PARVB: variants seen among roughly 807,000 people sequenced by gnomAD.
The protein encoded by PARVB is parvin beta.
A neutral mutation model predicts 47.0 loss-of-function variants in PARVB; 46 were observed. The observed-to-expected ratio is 0.98, with a 90% CI of 0.77 to 1.25. PARVB has a LOEUF of 1.25. PARVB is among the 50% of genes most tolerant of loss of function. The pLI is 0.00. For missense variants in PARVB, 473 were observed against 471.6 expected (o/e 1.00, Z -0.03); for synonymous variants, 196 against 196.3 (o/e 1.00, Z 0.01).
intron 1 of PARVB, among the ~76,000 whole-genome samples, chr22:44,087,708 TA>T (rs72494364): frequency 0.11 from 15,791 of 145,862 alleles, 1,071 homozygotes; most frequent in African/African-American, 0.19. Context: ...AGAAGAAGAT[TA>T]AAAAAAAAAA....
intron 1 of PARVB, among the ~76,000 whole-genome samples, chr22:44,069,714 A>T (rs998206500): frequency 1.3e-5 from 2 of 151,856 alleles, no homozygotes; most frequent in Admixed American, 6.6e-5. Context: ...TTTTTAGTAG[A>T]GACGGGGTTT....
At chr22:44,023,292 C>G (rs955716311), upstream of PARVB, among the ~76,000 whole-genome samples, 1 of 151,798 alleles carries the variant, frequency 6.6e-6, no homozygotes, top group African/African-American at 2.4e-5. Flanking sequence ...AGGCGGATCA[C>G]CTGAGGTCAG....
At chr22:44,038,530 C>T (rs2050961517) in intron 1 of PARVB, among the ~76,000 whole-genome samples, 1 of 152,094 alleles carries the variant, frequency 6.6e-6, no homozygotes. Context: ...CCTGTAATCC[C>T]AGCACTTTGG....
At chr22:44,134,678 CTGAGCTT>C (rs1024690376) in intron 6 of PARVB, among the ~76,000 whole-genome samples, 6 of 152,160 alleles carry the variant, frequency 3.9e-5, no homozygotes, top group African/African-American at 1.4e-4. Flanking sequence ...CCCCTGGCCT[CTGAGCTT>C]GCTCAGGGGA....
chr22:44,127,036 A>T (rs2053200749), intron 4 of PARVB, among the ~76,000 whole-genome samples: 1 of 152,186 alleles, frequency 6.6e-6, no homozygotes. Flanking sequence ...AGTGCTAGCA[A>T]ATGCAGCACT....
intron 1 of PARVB, among the ~76,000 whole-genome samples, chr22:44,080,140 G>A (rs1466721625): frequency 6.6e-6 from 1 of 152,244 alleles, no homozygotes; most frequent in Non-Finnish European, 1.5e-5. Flanking sequence ...GGCACCCGGT[G>A]TGGAGCAGGG....
intron 4 of PARVB, among the ~76,000 whole-genome samples, chr22:44,130,960 C>T (rs2053295194): frequency 6.6e-6 from 1 of 151,150 alleles, no homozygotes; most frequent in Admixed American, 6.6e-5. Context: ...ACATGGTAAC[C>T]TGCCCCGCTT....
chr22:44,020,765 G>A (rs1297051449), upstream of PARVB, among the ~76,000 whole-genome samples: 1 of 151,958 alleles, frequency 6.6e-6, no homozygotes, highest in Non-Finnish European at 1.5e-5. Flanking sequence ...CTATTTGGAA[G>A]CTTCTCCAAC....
At position 44,134,888 on chromosome 22, in the gene PARVB, A is replaced by G. The variant is rs148618762; in HGVS notation, c.634-1572A>G. Among the ~76,000 whole-genome samples the G allele has an allele frequency of 4.1e-3, 629 of 152,316 alleles. 2 individuals carry two copies. The highest frequency in any genetic ancestry group is 0.015 in the African/African-American group (606 of 41,574). On this transcript the variant is annotated intron_variant, in intron 6 of 12. Transcript: ENST00000338758. ...ACAAACCTGTAAAACATCCAGCTTCATGTCTACAATCCTAGACCTGGGCCC... is the reference window on the plus strand; with the variant it reads ...ACAAACCTGTAAAACATCCAGCTTCGTGTCTACAATCCTAGACCTGGGCCC...
intron 1 of PARVB, among the ~76,000 whole-genome samples, chr22:44,090,270 C>T (rs1246397571): frequency 6.6e-6 from 1 of 152,236 alleles, no homozygotes; most frequent in African/African-American, 2.4e-5. Flanking sequence ...CTGGGCTCCT[C>T]CTGCCAACCG....
intron 3 of PARVB, chr22:44,115,269 G>A (rs9614342): frequency 2.5e-5 from 1 of 40,140 alleles, no homozygotes; most frequent in Non-Finnish European, 4.4e-5. Flanking sequence ...TTGTTACTAA[G>A]TAAGGCCCTG....
At chr22:44,145,940 A>G (rs1164952188) in intron 8 of PARVB, 1 of 151,058 alleles carries the variant, frequency 6.6e-6, no homozygotes, top group Non-Finnish European at 1.5e-5. Context: ...AGACTGTCTT[A>G]TTGAGTGTAG....
At chr22:44,092,533 G>C (rs1431665838) in intron 1 of PARVB, among the ~76,000 whole-genome samples, 2 of 152,144 alleles carry the variant, frequency 1.3e-5, no homozygotes, top group Non-Finnish European at 2.9e-5. Context: ...GGCATCCTTG[G>C]GCCCTGCTGC....
rs575681620 is a variant in PARVB, at chr22:44,126,759, C to G, written c.377-4728C>G. On this transcript the variant is annotated intron_variant, in intron 4 of 12. Coordinates refer to ENST00000338758, the MANE Select transcript of PARVB (RefSeq NM_013327.5). ...CAAACTTGAGTGTTTTGTTCACTTT[C>G]ATTTTTTATTTCTGATTCTTTTGCC... Among the ~76,000 whole-genome samples the G allele has an allele frequency of 1.7e-4, 26 of 152,300 alleles. No individual in the cohort carries two copies. The East Asian group carries it at 4.8e-3, about 28-fold the overall frequency.
intron 8 of PARVB, chr22:44,143,876 T>C (rs1303412349): frequency 6.6e-6 from 1 of 152,344 alleles, no homozygotes; most frequent in Non-Finnish European, 1.5e-5. Flanking sequence ...AAGGGGGATG[T>C]GCCTTCCTCA....
At chr22:44,029,101 C>T (rs912487517) in intron 1 of PARVB, among the ~76,000 whole-genome samples, 1 of 152,204 alleles carries the variant, frequency 6.6e-6, no homozygotes, top group Non-Finnish European at 1.5e-5. Flanking sequence ...CCTCATGCCT[C>T]AGCTTCTGGA....
In PARVB at chr22:44,131,646, G is replaced by A; in HGVS notation, c.517+19G>A. ...GTGGACTGTGAGTTCCACGCCACAG[G>A]GGGAGGGACTGTCTGGAGGGAGCCC... On this transcript the variant is annotated intron_variant, in intron 5 of 12. Coordinates refer to ENST00000338758, the MANE Select transcript of PARVB (RefSeq NM_013327.5). The A allele has an allele frequency of 1.3e-6, 2 of 1,596,732 alleles. No homozygotes were observed. The highest frequency in any genetic ancestry group is 1.7e-6 in the Non-Finnish European group (2 of 1,172,190).
At chr22:44,168,074 C>T (rs2054208223) in intron 12 of PARVB, 1 of 158,986 alleles carries the variant, frequency 6.3e-6, no homozygotes, top group African/African-American at 2.4e-5. Flanking sequence ...CGAGCGTTAC[C>T]TGGTCCAGGC....
chr22:44,099,702 A>C (rs2052396023), intron 2 of PARVB, among the ~76,000 whole-genome samples: 1 of 152,178 alleles, frequency 6.6e-6, no homozygotes, highest in African/African-American at 2.4e-5. Context: ...CTGGTGCCTG[A>C]AGCTTTCCCA....
Sources: allele counts gnomAD v4.1 joint callset (sites outside exome capture counted in the v4.1 genomes callset), GRCh38; gene constraint gnomAD v4.1.1; transcripts MANE v1.5; gene names NCBI Gene and HGNC (gene_info 2026-07-23, HGNC 2026-07-21).